ATP10B: variants seen among roughly 807,000 people sequenced by gnomAD.
ATP10B encodes the protein ATPase phospholipid transporting 10B (putative).
In ATP10B, 122 loss-of-function variants were observed where a neutral mutation model predicts 141.2. The observed-to-expected ratio is 0.86, with a 90% confidence interval of 0.75 to 1.00. The LOEUF (loss-of-function observed/expected upper bound fraction) is 1.00, where lower values mean the gene tolerates loss of function less well. Among genes scored for constraint, ATP10B ranks in the 50% least tolerant of loss-of-function variants. The pLI, the probability that ATP10B is intolerant of heterozygous loss-of-function variation, is 0.00. For synonymous variants in ATP10B, 685 were observed against 692.0 expected (o/e 0.99, Z 0.16); for missense variants, 1,876 against 1,825.3 (o/e 1.03, Z -0.51).
intron 7 of ATP10B, among the ~76,000 whole-genome samples, chr5:160,650,133 T>C (rs559756989): frequency 4.2e-4 from 62 of 148,754 alleles, no homozygotes; most frequent in South Asian, 1.3e-3. Flanking sequence ...TATATATATA[T>C]ACACACACAC....
At chr5:160,823,966 A>G (rs1048509301) in intron 1 of ATP10B, among the ~76,000 whole-genome samples, 1 of 152,224 alleles carries the variant, frequency 6.6e-6, no homozygotes, top group African/African-American at 2.4e-5. Flanking sequence ...GGAAAATACA[A>G]ATAAGTACGC....
intron 2 of ATP10B, among the ~76,000 whole-genome samples, chr5:160,725,180 T>C (rs564628893): frequency 2.0e-5 from 3 of 152,108 alleles, no homozygotes; most frequent in Non-Finnish European, 2.9e-5. Flanking sequence ...GACTGCAAAA[T>C]AGATGAAGAA....
intron 13 of ATP10B, among the ~76,000 whole-genome samples, chr5:160,630,469 T>C (rs532535478): frequency 6.6e-6 from 1 of 152,190 alleles, no homozygotes. Context: ...GCTTCCTTTT[T>C]CTCCCGCTCA....
At chr5:160,715,675 A>G (rs879726013) in intron 3 of ATP10B, among the ~76,000 whole-genome samples, 1 of 131,760 alleles carries the variant, frequency 7.6e-6, no homozygotes, top group Admixed American at 7.7e-5. Flanking sequence ...CATTTTGAGA[A>G]GAATTTAGCT....
chr5:160,818,330 G>T (rs919910782), intron 1 of ATP10B, among the ~76,000 whole-genome samples: 3 of 152,176 alleles, frequency 2.0e-5, no homozygotes, highest in Non-Finnish European at 2.9e-5. Flanking sequence ...CCATCAAAAA[G>T]TGGGCAAAGG....
intron 5 of ATP10B, 41 bp downstream of exon 5, chr5:160,687,759 T>C (rs1458310431): frequency 3.2e-6 from 5 of 1,581,452 alleles, no homozygotes; most frequent in East Asian, 2.2e-5. Context: ...AATGAGACTC[T>C]TTCTCTAAAA....
intron 2 of ATP10B, among the ~76,000 whole-genome samples, chr5:160,722,734 G>A (rs1309665174): frequency 6.6e-6 from 1 of 152,170 alleles, no homozygotes; most frequent in Non-Finnish European, 1.5e-5. Flanking sequence ...GGCCTCCAAA[G>A]ACTCGATTCC....
At chr5:160,669,839 T>A (rs536743708) in intron 7 of ATP10B, among the ~76,000 whole-genome samples, 2 of 145,588 alleles carry the variant, frequency 1.4e-5, no homozygotes, top group Non-Finnish European at 3.0e-5. Context: ...TGGCCTCAAG[T>A]GATCTACCTG....
At chr5:160,836,949 G>T (rs1775477169) in intron 1 of ATP10B, among the ~76,000 whole-genome samples, 1 of 152,022 alleles carries the variant, frequency 6.6e-6, no homozygotes, top group South Asian at 2.1e-4. Flanking sequence ...AGCCAAAAAT[G>T]TATTTTTTTT....
chr5:160,783,876 C>T (rs1770940971), intron 2 of ATP10B, among the ~76,000 whole-genome samples: 1 of 152,000 alleles, frequency 6.6e-6, no homozygotes, highest in South Asian at 2.1e-4. Context: ...TCCCTGTTCA[C>T]CGCCTCCAAG....
At chr5:160,791,412 G>A (rs1771561664) in intron 1 of ATP10B, among the ~76,000 whole-genome samples, 1 of 152,108 alleles carries the variant, frequency 6.6e-6, no homozygotes, top group Non-Finnish European at 1.5e-5. Flanking sequence ...AGGAATTGGT[G>A]TCATTAAACA....
At chr5:160,750,643 A>G (rs960263013) in intron 2 of ATP10B, among the ~76,000 whole-genome samples, 1 of 152,202 alleles carries the variant, frequency 6.6e-6, no homozygotes, top group African/African-American at 2.4e-5. Context: ...ACTCTGCTGC[A>G]GGTATGATGT....
At chr5:160,709,821 T>A (rs1325018510) in intron 3 of ATP10B, among the ~76,000 whole-genome samples, 1 of 117,364 alleles carries the variant, frequency 8.5e-6, no homozygotes, top group African/African-American at 3.3e-5. Context: ...CCAAGTGATC[T>A]CATTGTTCAA....
At chr5:160,709,653 C>T (rs1375100665) in intron 3 of ATP10B, among the ~76,000 whole-genome samples, 1 of 138,644 alleles carries the variant, frequency 7.2e-6, no homozygotes, top group African/African-American at 2.7e-5. Flanking sequence ...TACATGTGCA[C>T]ATTGTGCAGG....
Position 160,688,911 on chromosome 5 carries a change from C to G in ATP10B, c.-172G>C, listed in dbSNP as rs139896430. The G allele has an allele frequency of 1.3e-3, 1,278 of 985,304 alleles. 12 individuals are homozygous for G. In the African/African-American group the frequency reaches 0.021, roughly 16 times the overall value. 61.0% of individuals were successfully genotyped at this position (985,304 alleles called of 1,614,324 possible). A position where few individuals can be genotyped will look rare whatever the true frequency, so the allele number is the denominator to read the frequency against. On this transcript the variant is annotated 5_prime_UTR_variant, in exon 4 of 26. Transcript: ENST00000327245. ...TGGCTGGAGTTGGGGATAGGGGATCCCTTTTCTTTTTCTCCACTCCATTTG... is the reference window on the plus strand; with the variant it reads ...TGGCTGGAGTTGGGGATAGGGGATCGCTTTTCTTTTTCTCCACTCCATTTG...
intron 24 of ATP10B, among the ~76,000 whole-genome samples, chr5:160,582,511 C>T (rs994559412): frequency 2.0e-5 from 3 of 152,212 alleles, no homozygotes; most frequent in African/African-American, 4.8e-5. Flanking sequence ...GAGATATCTG[C>T]TGTTAGTCTG....
chr5:160,917,311 C>T, the ATP10B span, among the ~76,000 whole-genome samples: 101 of 137,454 alleles, frequency 7.3e-4, no homozygotes, highest in African/African-American at 2.8e-3. Flanking sequence ...ATTACTGTAA[C>T]CAGGCCACCA....
chr5:160,813,409 A>G (rs1447803247), intron 1 of ATP10B, among the ~76,000 whole-genome samples: 2 of 152,208 alleles, frequency 1.3e-5, no homozygotes, highest in East Asian at 1.9e-4. Context: ...CTAAGATCAA[A>G]CTGCAAGGCA....
chr5:160,708,248 G>A (rs1220206139), intron 3 of ATP10B, among the ~76,000 whole-genome samples: 1 of 151,974 alleles, frequency 6.6e-6, no homozygotes, highest in Non-Finnish European at 1.5e-5. Context: ...GGGTATTTTG[G>A]CTTATTATTC....
Sources: gnomAD v4.1 joint callset for allele counts (sites outside exome capture counted in the v4.1 genomes callset) on GRCh38, gnomAD v4.1.1 for gene constraint, MANE v1.5 for transcripts, NCBI Gene and HGNC (gene_info 2026-07-23, HGNC 2026-07-21) for gene names.